Variants in GRM7 observed in about 807,000 individuals in gnomAD.
GRM7 encodes metabotropic glutamate receptor 7.
A neutral mutation model predicts 84.5 loss-of-function variants in GRM7; 35 were observed. That is an observed-to-expected ratio of 0.41 (90% CI 0.32 to 0.55). The LOEUF (loss-of-function observed/expected upper bound fraction) is 0.55. Among genes scored for constraint, GRM7 ranks in the 20% least tolerant of loss-of-function variants. The pLI is 0.19. For synonymous variants in GRM7, 487 were observed against 455.1 expected (o/e 1.07, Z -0.89); for missense variants, 1,003 against 1,194.6 (o/e 0.84, Z 2.36).
At chr3:7,679,937 T>C in intron 8 of GRM7, 112 bp from the exon 9 acceptor site, 1 of 944,554 alleles carries the variant, frequency 1.1e-6, no homozygotes, top group Non-Finnish European at 1.6e-6. Flanking sequence ...CAAAATGCCC[T>C]GAAGATTGCT....
At chr3:7,706,310 G>C (rs1701385875) in intron 9 of GRM7, among the ~76,000 whole-genome samples, 1 of 152,100 alleles carries the variant, frequency 6.6e-6, no homozygotes, top group Non-Finnish European at 1.5e-5. Context: ...TCTTTACAAA[G>C]ATATCTCTAT....
chr3:7,201,094 C>T (rs528499527), intron 2 of GRM7, among the ~76,000 whole-genome samples: 11 of 151,624 alleles, frequency 7.3e-5, no homozygotes, highest in Admixed American at 4.6e-4. Flanking sequence ...CTCAGCCTCC[C>T]GAGTGGCTGG....
At chr3:6,974,614 C>G (rs1693915291) in intron 1 of GRM7, among the ~76,000 whole-genome samples, 1 of 152,052 alleles carries the variant, frequency 6.6e-6, no homozygotes. Context: ...TCCTGGAGTC[C>G]AGGTGCATGA....
intron 4 of GRM7, among the ~76,000 whole-genome samples, chr3:7,307,637 C>T (rs1360235842): frequency 6.6e-6 from 1 of 152,224 alleles, no homozygotes; most frequent in Non-Finnish European, 1.5e-5. Context: ...TCTCATGAGT[C>T]ACCCATGTTT....
intron 4 of GRM7, among the ~76,000 whole-genome samples, chr3:7,399,964 G>A (rs530256476): frequency 2.0e-5 from 3 of 152,244 alleles, no homozygotes; most frequent in East Asian, 3.9e-4. Context: ...AAAAACGCAC[G>A]AAGACAAGTA....
chr3:7,681,871 A>T (rs1700381966), intron 9 of GRM7: 1 of 152,252 alleles, frequency 6.6e-6, no homozygotes, highest in South Asian at 2.1e-4. Flanking sequence ...ACAAAATACT[A>T]TATTGAGAAA....
intron 2 of GRM7, among the ~76,000 whole-genome samples, chr3:7,147,942 A>G (rs1398578062): frequency 6.6e-6 from 1 of 152,182 alleles, no homozygotes; most frequent in Non-Finnish European, 1.5e-5. Context: ...AGCGCCTATC[A>G]CAGGTTAGTA....
At chr3:7,283,559 G>A (rs978643328) in intron 2 of GRM7, among the ~76,000 whole-genome samples, 13 of 152,122 alleles carry the variant, frequency 8.5e-5, no homozygotes, top group Non-Finnish European at 2.9e-5. Flanking sequence ...AGAATTATAA[G>A]TTAAGATTTT....
chr3:7,623,754 G>C (rs1697475938), intron 8 of GRM7, among the ~76,000 whole-genome samples: 1 of 152,136 alleles, frequency 6.6e-6, no homozygotes, highest in Non-Finnish European at 1.5e-5. Context: ...ATGTGCACTA[G>C]TGAAACTATT....
intron 1 of GRM7, among the ~76,000 whole-genome samples, chr3:7,041,750 G>T (rs926256812): frequency 6.6e-6 from 1 of 152,096 alleles, no homozygotes; most frequent in African/African-American, 2.4e-5. Context: ...TGATTTTTTG[G>T]AATGCTAATG....
At chr3:7,021,481 T>G (rs1695772854) in intron 1 of GRM7, among the ~76,000 whole-genome samples, 1 of 152,190 alleles carries the variant, frequency 6.6e-6, no homozygotes, top group South Asian at 2.1e-4. Flanking sequence ...TGGTAATTGC[T>G]AGAAGACTGT....
intron 7 of GRM7, among the ~76,000 whole-genome samples, chr3:7,485,945 C>T (rs894620646): frequency 6.6e-6 from 1 of 152,100 alleles, no homozygotes; most frequent in Non-Finnish European, 1.5e-5. Flanking sequence ...CTGACAGAAG[C>T]TGTAACTTAA....
At chr3:7,365,634 T>G (rs1693845881) in intron 4 of GRM7, among the ~76,000 whole-genome samples, 1 of 112,402 alleles carries the variant, frequency 8.9e-6, no homozygotes, top group African/African-American at 3.8e-5. Context: ...TATGCATGTG[T>G]GTGTGCGTGT....
intron 1 of GRM7, among the ~76,000 whole-genome samples, chr3:6,911,137 A>G (rs1696754672): frequency 6.6e-6 from 1 of 152,082 alleles, no homozygotes; most frequent in Non-Finnish European, 1.5e-5. Context: ...GGGCAGATTT[A>G]TTTCTCTGCT....
chr3:6,955,226 C>A (rs928170977), intron 1 of GRM7, among the ~76,000 whole-genome samples: 5 of 152,186 alleles, frequency 3.3e-5, no homozygotes, highest in Non-Finnish European at 7.3e-5. Flanking sequence ...ATACTGCATA[C>A]AGCATCATTA....
chr3:6,890,911 TG>T (rs1244826730), intron 1 of GRM7, among the ~76,000 whole-genome samples: 1 of 152,164 alleles, frequency 6.6e-6, no homozygotes, highest in Non-Finnish European at 1.5e-5. Context: ...TGAACCTGGG[TG>T]CTCCTGTATT....
chr3:7,096,709 A>C (rs776168883), intron 1 of GRM7, among the ~76,000 whole-genome samples: 1 of 152,096 alleles, frequency 6.6e-6, no homozygotes, highest in South Asian at 2.1e-4. Flanking sequence ...CCAATGCTCT[A>C]TTCACGGTTG....
At chr3:6,885,467 C>A (rs1424725925) in intron 1 of GRM7, among the ~76,000 whole-genome samples, 1 of 152,118 alleles carries the variant, frequency 6.6e-6, no homozygotes, top group East Asian at 1.9e-4. Context: ...AATGATAAAC[C>A]AAGATGGCAC....
chr3:7,602,270 C>T (rs1262403089), intron 8 of GRM7, among the ~76,000 whole-genome samples: 1 of 152,076 alleles, frequency 6.6e-6, no homozygotes, highest in Admixed American at 6.6e-5. Flanking sequence ...CTGAAGAAAG[C>T]TTCCCCATCC....
Sources: gnomAD v4.1 joint callset for allele counts (sites outside exome capture counted in the v4.1 genomes callset) on GRCh38, gnomAD v4.1.1 for gene constraint, MANE v1.5 for transcripts, NCBI Gene and HGNC (gene_info 2026-07-23, HGNC 2026-07-21) for gene names.